UBLCP1: variants seen among roughly 807,000 people sequenced by gnomAD.
UBLCP1 encodes ubiquitin like domain containing CTD phosphatase 1.
UBLCP1 carries 28 observed loss-of-function variants against 42.4 expected under a neutral mutation model. That is an observed-to-expected ratio of 0.66 (90% CI 0.49 to 0.90). The LOEUF is 0.90. Among genes scored for constraint, UBLCP1 ranks in the 40% least tolerant of loss-of-function variants. UBLCP1 has a pLI of 0.00. For synonymous variants in UBLCP1, 122 were observed against 120.8 expected (o/e 1.01, Z -0.07); for missense variants, 279 against 374.5 (o/e 0.75, Z 2.10).
At chr5:159,278,950 C>T (rs1753572688) in intron 9 of UBLCP1, among the ~76,000 whole-genome samples, 1 of 152,166 alleles carries the variant, frequency 6.6e-6, no homozygotes, top group Admixed American at 6.6e-5. Context: ...AAAGTGAAAT[C>T]ATTAGTTATT....
chr5:159,268,985 A>T lies in UBLCP1; in HGVS notation c.70A>T (p.Thr24Ser). ...AGTGACCACACTTTCAGAAGATGATACTGTGCTCGATCTCAAACAGTTTCT... is the reference window on the plus strand; with the variant it reads ...AGTGACCACACTTTCAGAAGATGATTCTGTGCTCGATCTCAAACAGTTTCT... Reference protein sequence around the residue: ...YSVTTLSEDDTVLDLKQFLKT... With the variant: ...YSVTTLSEDDSVLDLKQFLKT... Residue 24 changes from threonine to serine, a missense_variant, in exon 2 of 11, where the codon ACT (threonine) becomes TCT (serine). By Grantham distance (58) the Thr-to-Ser change is moderately conservative (BLOSUM62 1). Coordinates refer to ENST00000296786, the MANE Select transcript of UBLCP1 (RefSeq NM_145049.5). 1 of 1,611,994 alleles carries T rather than the reference A, an allele frequency of 6.2e-7. No individual in the cohort carries two copies. The highest frequency in any genetic ancestry group is 1.1e-5 in the South Asian group (1 of 90,504).
chr5:159,267,614 C>T (rs1242345781), intron 1 of UBLCP1, among the ~76,000 whole-genome samples: 1 of 152,154 alleles, frequency 6.6e-6, no homozygotes, highest in Admixed American at 6.5e-5. Flanking sequence ...TACAGTTTGA[C>T]TGTGTGCCCA....
At position 159,272,051 on chromosome 5, in the gene UBLCP1, A is replaced by G; in HGVS notation, c.477A>G (p.Val159=). 6.2e-7 allele frequency: 1 copy of G among 1,613,448 alleles called. No homozygotes were observed. Among genetic ancestry groups the G allele is most frequent in the South Asian group, 1.1e-5 (1 of 91,078 alleles). Residue 159 remains valine (V), a synonymous_variant, in exon 6 of 11, where the codon GTA becomes GTG. Transcript: ENST00000296786. ...ACAGGTCTTGTGCAGAGACTGGGGT[A>G]GAATTAATGCGGCCATATCTTCATG... is the stretch of plus-strand genomic sequence containing the variant. The part of the protein sequence containing the change: ...FDHRSCAETG[V]ELMRPYLHEF...
intron 2 of UBLCP1, 97 bp from the exon 3 acceptor site, chr5:159,269,811 C>T: frequency 1.0e-6 from 1 of 953,820 alleles, no homozygotes; most frequent in South Asian, 1.5e-5. Flanking sequence ...GCTGTGACAT[C>T]TGTACCAAAC....
At chr5:159,279,237 T>G (rs1281442260) in intron 9 of UBLCP1, among the ~76,000 whole-genome samples, 1 of 152,232 alleles carries the variant, frequency 6.6e-6, no homozygotes, top group African/African-American at 2.4e-5. Context: ...GAATTTGGGT[T>G]AGACTCTAGT....
At chr5:159,275,291 T>G in intron 8 of UBLCP1, 45 bp downstream of exon 8, 1 of 1,494,516 alleles carries the variant, frequency 6.7e-7, no homozygotes. Flanking sequence ...ATGGTTATTT[T>G]CCAGTGTACT....
Position 159,274,566 on chromosome 5 carries a change from A to G in UBLCP1, c.548-19A>G. The G allele has an allele frequency of 6.2e-7, 1 of 1,607,800 alleles. No homozygotes were observed. Among genetic ancestry groups the G allele is most frequent in the Non-Finnish European group, 8.5e-7 (1 of 1,176,484 alleles). ...TCAAGCTTTTCATATGTATTGTATT[A>G]TCATTCCTCGTGTTTTAGCTGCAAC... On this transcript the variant is annotated intron_variant, in intron 6 of 10. Transcript: ENST00000296786.
intron 8 of UBLCP1, 157 bp downstream of exon 8, chr5:159,275,403 A>AT (rs56675251): frequency 0.022 from 3,614 of 163,988 alleles, 86 homozygotes; most frequent in Middle Eastern, 0.04. Flanking sequence ...AGGTTAAAAG[A>AT]TTTTTTTTTT....
chr5:159,284,986 T>A lies in UBLCP1; in HGVS notation c.*55T>A. The A allele has an allele frequency of 3.3e-6, 5 of 1,537,280 alleles. No homozygotes were observed. The highest frequency in any genetic ancestry group is 4.5e-6 in the Non-Finnish European group (5 of 1,111,000). On this transcript the variant is annotated 3_prime_UTR_variant, in exon 11 of 11. Transcript: ENST00000296786. ...TACTTAAGATCCAAGAACTTCTTGC[T>A]TTTATGCTAGAAATCATTATGATAG...
intron 1 of UBLCP1, among the ~76,000 whole-genome samples, chr5:159,263,702 C>T (rs1164469816): frequency 6.6e-6 from 1 of 152,188 alleles, no homozygotes; most frequent in Admixed American, 6.5e-5. Flanking sequence ...CCACCTGCCT[C>T]CTAATGCTCC....
chr5:159,281,794 G>A (rs1048300514), intron 9 of UBLCP1, among the ~76,000 whole-genome samples: 1 of 151,592 alleles, frequency 6.6e-6, no homozygotes, highest in Non-Finnish European at 1.5e-5. Flanking sequence ...TTGCTTCTCA[G>A]TAAGTGACAA....
Position 159,272,071 on chromosome 5 carries a change from T to C in UBLCP1, c.497T>C (p.Leu166Pro). ...GGGGTAGAATTAATGCGGCCATATC[T>C]TCATGAATTTCTAACATCTGCCTAT... ...ETGVELMRPY[L>P]HEFLTSAYED... is the part of the protein sequence containing the mutation. The change falls in exon 6 of 11, where the codon CTT becomes CCT. Residue 166 changes from leucine to proline, a missense_variant. By Grantham distance (98) the Leu-to-Pro change is moderately conservative. Coordinates refer to ENST00000296786, the MANE Select transcript of UBLCP1 (RefSeq NM_145049.5). The C allele has an allele frequency of 6.2e-7, 1 of 1,613,530 alleles. No homozygotes were observed. Among genetic ancestry groups the C allele is most frequent in the Non-Finnish European group, 8.5e-7 (1 of 1,179,802 alleles).
intron 7 of UBLCP1, 133 bp from the exon 8 acceptor site, chr5:159,275,015 T>A (rs1753515717): frequency 5.5e-6 from 4 of 721,152 alleles, no homozygotes; most frequent in Non-Finnish European, 9.5e-6. Context: ...AAATACTTCC[T>A]AGTTGTTTAG....
Position 159,275,248 on chromosome 5 carries a change from T to C in UBLCP1, c.684+2T>C, listed in dbSNP as rs989396848. 2.5e-6 allele frequency: 4 copies of C among 1,607,172 alleles called. No individual in the cohort carries two copies. The highest frequency in any genetic ancestry group is 1.7e-6 in the Non-Finnish European group (2 of 1,175,622). On this transcript the variant is annotated splice_donor_variant, in intron 8 of 10. Coordinates refer to ENST00000296786, the MANE Select transcript of UBLCP1 (RefSeq NM_145049.5). LOFTEE classifies it high-confidence loss of function. ...ACTCCAAGGAGAGGATTAATAGACG[T>C]AAGAAGTCATTTTATTTCTATTTAA...
chr5:159,272,743 A>T (rs1226320989), intron 6 of UBLCP1, among the ~76,000 whole-genome samples: 1 of 152,268 alleles, frequency 6.6e-6, no homozygotes, highest in African/African-American at 2.4e-5. Context: ...AAAGCCAGTG[A>T]CATTGAAATT....
chr5:159,278,152 C>T (rs1365299172), intron 8 of UBLCP1, 86 bp from the exon 9 acceptor site: 2 of 882,886 alleles, frequency 2.3e-6, no homozygotes, highest in Non-Finnish European at 3.7e-6. Flanking sequence ...TGGCATTGTT[C>T]TGCAGGGCAG....
rs759938615 is a variant in UBLCP1, at chr5:159,275,211, A to G, written c.649A>G (p.Ile217Val). 1.9e-6 allele frequency: 3 copies of G among 1,613,086 alleles called. No individual in the cohort carries two copies. The highest frequency in any genetic ancestry group is 2.7e-5 in the African/African-American group (2 of 74,904). ...ITFMLDSAAM[I>V]TVHTPRRGLI... ...TTTCATGTTGGATAGTGCTGCTATG[A>G]TAACAGTACATACTCCAAGGAGAGG... is the stretch of plus-strand genomic sequence containing the variant. Residue 217 changes from isoleucine (I) to valine (V), a missense_variant, in exon 8 of 11, where the codon ATA becomes GTA. Physicochemically the swap from Ile to Val is conservative, Grantham distance 29. Coordinates refer to ENST00000296786, the MANE Select transcript of UBLCP1 (RefSeq NM_145049.5).
Position 159,272,030 on chromosome 5 carries a change from G to A in UBLCP1, c.456G>A (p.Arg152=), listed in dbSNP as rs749075193. 1.1e-5 allele frequency: 17 copies of A among 1,612,112 alleles called. No homozygotes were observed. Among genetic ancestry groups the A allele is most frequent in the Non-Finnish European group, 1.4e-5 (16 of 1,178,824 alleles). The part of the protein sequence containing the change: ...LDVDYTLFDH[R]SCAETGVELM... Reference sequence around the variant, plus strand: ...TGATCAATTTTCTTTTAGACCACAGGTCTTGTGCAGAGACTGGGGTAGAAT... The same window carrying A: ...TGATCAATTTTCTTTTAGACCACAGATCTTGTGCAGAGACTGGGGTAGAAT... Residue 152 remains arginine, a synonymous_variant, in exon 6 of 11, where the codon AGG becomes AGA. Transcript: ENST00000296786.
intron 3 of UBLCP1, 145 bp from the exon 4 acceptor site, chr5:159,270,215 C>A: frequency 1.3e-6 from 1 of 782,740 alleles, no homozygotes; most frequent in East Asian, 2.7e-5. Context: ...ACATACATAA[C>A]GAATTATTAA....
Sources: gnomAD v4.1 joint callset for allele counts (sites outside exome capture counted in the v4.1 genomes callset) on GRCh38, gnomAD v4.1.1 for gene constraint, MANE v1.5 for transcripts, NCBI Gene and HGNC (gene_info 2026-07-23, HGNC 2026-07-21) for gene names.